PEX13: variants seen among roughly 807,000 people sequenced by gnomAD.
The protein encoded by PEX13 is peroxisomal biogenesis factor 13, also known as peroxisome biogenesis factor 13.
PEX13 carries 28 observed loss-of-function variants against 34.5 expected under a neutral mutation model. That is an observed-to-expected ratio of 0.81 (90% CI 0.60 to 1.11). PEX13 has a LOEUF of 1.11. Among genes scored for constraint, PEX13 ranks in the 50% most tolerant of loss-of-function variants. The probability of loss-of-function intolerance (pLI) is 0.00; values close to 1 mark genes in which losing one functional copy is unlikely to be tolerated. For synonymous variants in PEX13, 177 were observed against 175.1 expected, an observed-to-expected ratio of 1.01 and a Z score of -0.09; for missense variants, 550 against 491.0, an observed-to-expected ratio of 1.12 and a Z score of -1.13.
intron 1 of PEX13, among the ~76,000 whole-genome samples, chr2:61,024,915 T>C (rs1385722804): frequency 6.6e-6 from 1 of 152,238 alleles, no homozygotes; most frequent in South Asian, 2.1e-4. Context: ...CTTTATATTA[T>C]AGTTCCTATT....
rs1019466457 is a variant in PEX13, at chr2:61,050,258, C to T, written c.*1488C>T. 1 of 152,140 alleles carries T rather than the reference C, an allele frequency of 6.6e-6. No individual in the cohort carries two copies. Among genetic ancestry groups the T allele is most frequent in the African/African-American group, 2.4e-5 (1 of 41,396 alleles). The allele number at this position is 152,140 out of a possible 1,614,324, so 9.4% of individuals were successfully genotyped here. A position where few individuals can be genotyped will look rare whatever the true frequency, so the allele number is the denominator to read the frequency against. Reference sequence around the variant, plus strand: ...GGGTGCAGTGGCGTGCACCTGTAGTCCCAGCTACTCAGGAGGCTGAGGCAG... The same window carrying T: ...GGGTGCAGTGGCGTGCACCTGTAGTTCCAGCTACTCAGGAGGCTGAGGCAG... On this transcript the variant is annotated 3_prime_UTR_variant, in exon 4 of 4. Transcript: ENST00000295030.
intron 2 of PEX13, among the ~76,000 whole-genome samples, chr2:61,035,983 T>TA (rs1200600005): frequency 4.4e-3 from 429 of 98,268 alleles, no homozygotes; most frequent in South Asian, 8.6e-3. Flanking sequence ...AACTCCATCT[T>TA]AAAAAAAAAA....
intron 1 of PEX13, among the ~76,000 whole-genome samples, chr2:61,021,474 TC>T (rs1354817351): frequency 6.6e-6 from 1 of 152,098 alleles, no homozygotes; most frequent in Non-Finnish European, 1.5e-5. Flanking sequence ...GGGAGGGGAA[TC>T]CACCATTGCT....
intron 2 of PEX13, among the ~76,000 whole-genome samples, chr2:61,045,295 T>C (rs1439628028): frequency 6.6e-6 from 1 of 152,252 alleles, no homozygotes; most frequent in Non-Finnish European, 1.5e-5. Flanking sequence ...AAATATTTCA[T>C]TCTTCTAAGT....
intron 2 of PEX13, among the ~76,000 whole-genome samples, chr2:61,034,770 A>G (rs910815984): frequency 2.6e-5 from 4 of 152,160 alleles, no homozygotes; most frequent in Non-Finnish European, 4.4e-5. Flanking sequence ...AGCATCTGCC[A>G]TTGCTGAGGC....
At chr2:61,036,834 C>A (rs1475634769) in intron 2 of PEX13, among the ~76,000 whole-genome samples, 1 of 152,016 alleles carries the variant, frequency 6.6e-6, no homozygotes, top group East Asian at 1.9e-4. Flanking sequence ...CACAGACTGG[C>A]AAATTGGATA....
intron 1 of PEX13, among the ~76,000 whole-genome samples, chr2:61,030,173 T>C (rs147809310): frequency 6.6e-6 from 1 of 152,306 alleles, no homozygotes; most frequent in East Asian, 1.9e-4. Context: ...AAATACTACG[T>C]ATTGTATGAG....
At chr2:61,026,307 A>C (rs947280401) in intron 1 of PEX13, among the ~76,000 whole-genome samples, 4 of 151,592 alleles carry the variant, frequency 2.6e-5, no homozygotes, top group Non-Finnish European at 5.9e-5. Context: ...GGTAGTTGAA[A>C]AACGGTTCCA....
At position 61,050,004 on chromosome 2, in the gene PEX13, T is replaced by C. The variant is rs1038895190; in HGVS notation, c.*1234T>C. 6.6e-6 allele frequency: 1 copy of C among 152,378 alleles called. No individual in the cohort carries two copies. The highest frequency in any genetic ancestry group is 1.5e-5 in the Non-Finnish European group (1 of 68,038). 9.4% of individuals were successfully genotyped at this position (152,378 alleles called of 1,614,324 possible). Reference sequence around the variant, plus strand: ...CCATATTTAGGATGCTCTGTAAATATTGAAAATGTGTCACATTGGATACAT... The same window carrying C: ...CCATATTTAGGATGCTCTGTAAATACTGAAAATGTGTCACATTGGATACAT... On this transcript the variant is annotated 3_prime_UTR_variant, in exon 4 of 4. Coordinates refer to ENST00000295030, the MANE Select transcript of PEX13 (RefSeq NM_002618.4).
At chr2:61,030,134 A>G (rs770906564) in intron 1 of PEX13, among the ~76,000 whole-genome samples, 10 of 152,210 alleles carry the variant, frequency 6.6e-5, no homozygotes, top group Non-Finnish European at 1.5e-4. Flanking sequence ...CCCTGGAAAC[A>G]TTATGCTAAG....
At chr2:61,028,667 A>G (rs1434185756) in intron 1 of PEX13, among the ~76,000 whole-genome samples, 1 of 151,644 alleles carries the variant, frequency 6.6e-6, no homozygotes, top group Non-Finnish European at 1.5e-5. Context: ...GATTACAGGC[A>G]TGAGCCACCA....
In PEX13 at chr2:61,017,853, T is replaced by G; in HGVS notation, c.92+2T>G. 6.5e-7 allele frequency: 1 copy of G among 1,550,160 alleles called. No individual in the cohort carries two copies. Among genetic ancestry groups the G allele is most frequent in the South Asian group, 1.2e-5 (1 of 84,028 alleles). ...ACCAGGACCGGGCCCCACTTTCCAG[T>G]GAGTGTGGGATTCTTCAGGCTGTGA... On this transcript the variant is annotated splice_donor_variant, in intron 1 of 3. Transcript: ENST00000295030. LOFTEE classifies it high-confidence loss of function.
intron 1 of PEX13, among the ~76,000 whole-genome samples, chr2:61,019,633 A>G (rs1004388086): frequency 6.6e-6 from 1 of 152,112 alleles, no homozygotes; most frequent in African/African-American, 2.4e-5. Context: ...TCGCAGCACC[A>G]TTTATTGAGT....
chr2:61,048,514 A>G lies in PEX13; in HGVS notation c.956A>G (p.Asp319Gly). Residue 319 changes from aspartate (D) to glycine (G), a missense_variant, in exon 4 of 4, where the codon GAT becomes GGT. Asp to Gly is a moderately conservative substitution (Grantham distance 94, BLOSUM62 -1). Transcript: ENST00000295030. Reference protein sequence around the residue: ...KVRGWLLASLDGQTTGLIPAN... With the variant: ...KVRGWLLASLGGQTTGLIPAN... The stretch of plus-strand genomic sequence containing the variant: ...CGTGGTTGGCTTCTGGCTAGCCTTG[A>G]TGGCCAAACAACAGGACTTATACCT... The G allele has an allele frequency of 1.2e-6, 2 of 1,613,936 alleles. No individual in the cohort carries two copies. The highest frequency in any genetic ancestry group is 2.2e-5 in the East Asian group (1 of 44,884).
At position 61,049,581 on chromosome 2, in the gene PEX13, C is replaced by G. The variant is rs1680762275; in HGVS notation, c.*811C>G. ...CTGAGGTTGGGAGTTCAAGACCACC[C>G]TGACCAACATGGAGAAACCCCATCT... On this transcript the variant is annotated 3_prime_UTR_variant, in exon 4 of 4. Coordinates refer to ENST00000295030, the MANE Select transcript of PEX13 (RefSeq NM_002618.4). 6.6e-6 allele frequency: 1 copy of G among 152,272 alleles called. No individual in the cohort carries two copies. The highest frequency in any genetic ancestry group is 6.5e-5 in the Admixed American group (1 of 15,278). The allele number at this position is 152,272 out of a possible 1,614,324, so 9.4% of individuals were successfully genotyped here.
chr2:61,032,849 A>G (rs535527726), intron 2 of PEX13, among the ~76,000 whole-genome samples: 16 of 152,336 alleles, frequency 1.1e-4, no homozygotes, highest in African/African-American at 3.4e-4. Flanking sequence ...TATCAAGCTG[A>G]TAGACCAGCT....
rs761967628 is a variant in PEX13, at chr2:61,050,356, A to C, written c.*1586A>C. The C allele has an allele frequency of 6.6e-6, 1 of 152,206 alleles. No individual in the cohort carries two copies. The highest frequency in any genetic ancestry group is 1.5e-5 in the Non-Finnish European group (1 of 68,038). The allele number at this position is 152,206 out of a possible 1,614,324, so 9.4% of individuals were successfully genotyped here. A position where few individuals can be genotyped will look rare whatever the true frequency, so the allele number is the denominator to read the frequency against. On this transcript the variant is annotated 3_prime_UTR_variant, in exon 4 of 4. Coordinates refer to ENST00000295030, the MANE Select transcript of PEX13 (RefSeq NM_002618.4). ...ATGCCACTGCACTCCAGCCTAGGGGACAGAGCAAGACTCTGTCTCAAAACA... is the reference window on the plus strand; with the variant it reads ...ATGCCACTGCACTCCAGCCTAGGGGCCAGAGCAAGACTCTGTCTCAAAACA...
intron 1 of PEX13, among the ~76,000 whole-genome samples, chr2:61,023,385 C>A (rs1292686865): frequency 1.3e-5 from 2 of 149,384 alleles, no homozygotes; most frequent in African/African-American, 4.9e-5. Flanking sequence ...TATATTGTAA[C>A]CAGGTAGGAA....
At chr2:61,048,171 TGTTA>T (rs1243397222) in intron 3 of PEX13, among the ~76,000 whole-genome samples, 2 of 152,232 alleles carry the variant, frequency 1.3e-5, no homozygotes, top group Non-Finnish European at 2.9e-5. Context: ...AAGACATTGA[TGTTA>T]GTTTTCAGTT....
Sources: allele counts gnomAD v4.1 joint callset (sites outside exome capture counted in the v4.1 genomes callset), GRCh38; gene constraint gnomAD v4.1.1; transcripts MANE v1.5; gene names NCBI Gene and HGNC (gene_info 2026-07-23, HGNC 2026-07-21).